NPR3: variants seen among roughly 807,000 people sequenced by gnomAD.
NPR3 encodes atrial natriuretic peptide receptor 3.
NPR3 carries 34 observed loss-of-function variants against 54.5 expected under a neutral mutation model. The ratio of observed to expected loss-of-function variants is 0.62; its 90% CI spans 0.47 to 0.83. NPR3 has a LOEUF of 0.83. Among genes scored for constraint, NPR3 ranks in the 40% least tolerant of loss-of-function variants. The pLI is 0.00. For synonymous variants in NPR3, 289 were observed against 297.1 expected (o/e 0.97, Z 0.28); for missense variants, 674 against 720.8 (o/e 0.94, Z 0.74).
chr5:32,786,103 A>C, intron 7 of NPR3, 131 bp from the exon 8 acceptor site: 6 of 591,484 alleles, frequency 1.0e-5, no homozygotes, highest in Non-Finnish European at 1.8e-5. Flanking sequence ...ATCTCTGACC[A>C]GGGTTTCATA....
chr5:32,701,496 C>G (rs1445549916), intron 1 of NPR3, among the ~76,000 whole-genome samples: 2 of 152,192 alleles, frequency 1.3e-5, no homozygotes, highest in Admixed American at 1.3e-4. Flanking sequence ...TTTGTCTTCC[C>G]AGGATTGATC....
chr5:32,766,654 G>A (rs189520880), intron 3 of NPR3, among the ~76,000 whole-genome samples: 20 of 152,150 alleles, frequency 1.3e-4, no homozygotes, highest in African/African-American at 4.8e-4. Context: ...ATTTATCAAG[G>A]TTATTACTGT....
intron 1 of NPR3, among the ~76,000 whole-genome samples, chr5:32,694,303 T>C (rs1453520454): frequency 6.6e-6 from 1 of 152,234 alleles, no homozygotes; most frequent in East Asian, 1.9e-4. Flanking sequence ...AATCAGGCAG[T>C]AGATAATTCC....
At chr5:32,711,275 C>T (rs368476386), upstream of NPR3, 198 of 982,800 alleles carry the variant, frequency 2.0e-4, 3 homozygotes, top group South Asian at 8.5e-3. Flanking sequence ...GTAACACGCT[C>T]AGCCGCTGCC....
At chr5:32,738,813 C>T (rs1739886386) in intron 2 of NPR3, 51 bp from the exon 3 acceptor site, 20 of 1,546,266 alleles carry the variant, frequency 1.3e-5, no homozygotes, top group Non-Finnish European at 1.8e-5. Flanking sequence ...GGAGAATGGC[C>T]TCTTTATGGT....
chr5:32,770,454 G>T (rs772693585), intron 3 of NPR3, among the ~76,000 whole-genome samples: 2 of 151,918 alleles, frequency 1.3e-5, no homozygotes, highest in African/African-American at 2.4e-5. Flanking sequence ...AAAGAAAAAG[G>T]AATAGAAAGA....
rs567367713 is a variant in NPR3 at position 32,714,919 on chromosome 5, C to A, written c.769+2374C>A. The stretch of plus-strand genomic sequence containing the variant: ...TATGAAACCTCTGTACCTCGAGCTC[C>A]TTAGGTAAAGTGGGGGTAGTCAGAG... On this transcript the variant is annotated intron_variant, in intron 1 of 7. Transcript: ENST00000265074. Among the ~76,000 whole-genome samples, 25 of 152,292 alleles carry A rather than the reference C, an allele frequency of 1.6e-4. No homozygotes were observed. The East Asian group carries it at 4.6e-3, about 28-fold the overall frequency.
chr5:32,719,459 G>A (rs1236903594), intron 1 of NPR3, among the ~76,000 whole-genome samples: 1 of 152,158 alleles, frequency 6.6e-6, no homozygotes, highest in African/African-American at 2.4e-5. Flanking sequence ...CCCTCGAATT[G>A]TGACAGTATT....
At chr5:32,771,531 A>C (rs1413234869) in intron 3 of NPR3, among the ~76,000 whole-genome samples, 1 of 152,142 alleles carries the variant, frequency 6.6e-6, no homozygotes, top group East Asian at 1.9e-4. Flanking sequence ...AGGGCATGTC[A>C]AGAAGGAAGG....
chr5:32,706,259 A>G (rs552342439), upstream of NPR3, among the ~76,000 whole-genome samples: 2 of 152,204 alleles, frequency 1.3e-5, no homozygotes, highest in Non-Finnish European at 2.9e-5. Flanking sequence ...TTCTGGTGCC[A>G]TGCTTCTTGT....
intron 3 of NPR3, among the ~76,000 whole-genome samples, chr5:32,763,834 T>G (rs2112020448): frequency 6.6e-6 from 1 of 152,304 alleles, no homozygotes; most frequent in African/African-American, 2.4e-5. Context: ...TTCAGAGTAT[T>G]TATTTGAAGT....
At chr5:32,733,539 C>G (rs1739575877) in intron 2 of NPR3, among the ~76,000 whole-genome samples, 1 of 152,130 alleles carries the variant, frequency 6.6e-6, no homozygotes, top group Non-Finnish European at 1.5e-5. Flanking sequence ...CCTGAGAACT[C>G]AGAGAGCACT....
chr5:32,731,751 C>T (rs1036275289), intron 2 of NPR3, among the ~76,000 whole-genome samples: 4 of 152,254 alleles, frequency 2.6e-5, no homozygotes, highest in African/African-American at 2.4e-5. Context: ...CCAAGGACCT[C>T]GGTGCATTAG....
chr5:32,704,370 TTGTGTGTG>T (rs57959913), intron 1 of NPR3, among the ~76,000 whole-genome samples: 5 of 146,888 alleles, frequency 3.4e-5, no homozygotes, highest in South Asian at 4.4e-4. Context: ...TTTTGGCTCT[TTGTGTGTG>T]TGTGTGTGTG....
intron 1 of NPR3, among the ~76,000 whole-genome samples, chr5:32,693,250 A>C (rs1231464080): frequency 6.6e-6 from 1 of 152,142 alleles, no homozygotes; most frequent in East Asian, 1.9e-4. Context: ...TAAATGAGCT[A>C]ATTTCACTTT....
intron 3 of NPR3, among the ~76,000 whole-genome samples, chr5:32,757,783 C>G (rs551968726): frequency 6.6e-6 from 1 of 152,248 alleles, no homozygotes; most frequent in South Asian, 2.1e-4. Context: ...CCATCAATAC[C>G]TAATTTATTG....
intron 1 of NPR3, among the ~76,000 whole-genome samples, chr5:32,699,568 A>G (rs1179543393): frequency 6.6e-6 from 1 of 152,146 alleles, no homozygotes; most frequent in Non-Finnish European, 1.5e-5. Context: ...CAGTGTTTGG[A>G]AAAACTCTGC....
chr5:32,727,697 T>C (rs772846075), intron 2 of NPR3, among the ~76,000 whole-genome samples: 1 of 152,228 alleles, frequency 6.6e-6, no homozygotes, highest in Non-Finnish European at 1.5e-5. Context: ...GGTATTTATG[T>C]AGAGAAGCAA....
intron 3 of NPR3, among the ~76,000 whole-genome samples, chr5:32,769,819 C>T (rs765056009): frequency 1.6e-4 from 24 of 152,326 alleles, no homozygotes; most frequent in Admixed American, 3.9e-4. Context: ...CAGCTGAGGC[C>T]GGCAGCGTTC....
Sources: gnomAD v4.1 joint callset for allele counts (sites outside exome capture counted in the v4.1 genomes callset) on GRCh38, gnomAD v4.1.1 for gene constraint, MANE v1.5 for transcripts, NCBI Gene and HGNC (gene_info 2026-07-23, HGNC 2026-07-21) for gene names.